CELF4: variants seen among roughly 807,000 people sequenced by gnomAD.
CELF4 encodes CUGBP Elav-like family member 4, also known as CUG-BP- and ETR-3-like factor 4.
Under a neutral mutation model 59.9 loss-of-function variants are expected in CELF4, and 18 were observed. The ratio of observed to expected loss-of-function variants is 0.30; its 90% CI spans 0.21 to 0.45. CELF4 has a LOEUF of 0.45. Among genes scored for constraint, CELF4 ranks in the 20% least tolerant of loss-of-function variants. The pLI is 1.00. For synonymous variants in CELF4, 261 were observed against 267.1 expected (o/e 0.98, Z 0.22); for missense variants, 456 against 689.0 (o/e 0.66, Z 3.79).
chr18:37,332,377 C>T lies in CELF4; in HGVS notation c.370-10496G>A, dbSNP rs144733216. Among the ~76,000 whole-genome samples, 687 of 152,272 alleles carry T rather than the reference C, an allele frequency of 4.5e-3. 11 individuals are homozygous for T. Among genetic ancestry groups the T allele is most frequent in the Non-Finnish European group, 5.7e-3 (385 of 68,030 alleles). On this transcript the variant is annotated intron_variant, in intron 2 of 12. Coordinates refer to ENST00000420428, the MANE Select transcript of CELF4 (RefSeq NM_020180.4). ...TGGTCCAGCCCCCTACAAATATGCC[C>T]GGGCAGTTGCTATGCAACAGGCAGC...
intron 1 of CELF4, among the ~76,000 whole-genome samples, chr18:37,502,474 G>C (rs2099932893): frequency 6.6e-6 from 1 of 152,142 alleles, no homozygotes; most frequent in Admixed American, 6.5e-5. Context: ...TTTTCAAAAA[G>C]GATGTAATCA....
intron 3 of CELF4, among the ~76,000 whole-genome samples, chr18:37,280,816 C>T (rs2094041655): frequency 6.6e-6 from 1 of 152,210 alleles, no homozygotes; most frequent in Admixed American, 6.5e-5. Flanking sequence ...CTTTCCTTTC[C>T]ACCAACGCAT....
intron 1 of CELF4, among the ~76,000 whole-genome samples, chr18:37,493,573 A>T (rs2099914177): frequency 6.6e-6 from 1 of 151,292 alleles, no homozygotes; most frequent in South Asian, 2.1e-4. Context: ...GAGGTGGGCC[A>T]TGGGGTCTGG....
At chr18:37,278,230 A>C (rs2093646694) in intron 3 of CELF4, among the ~76,000 whole-genome samples, 1 of 151,872 alleles carries the variant, frequency 6.6e-6, no homozygotes, top group Admixed American at 6.6e-5. Context: ...CCCCATCTGG[A>C]TTTCCCCAGG....
intron 11 of CELF4, among the ~76,000 whole-genome samples, chr18:37,255,234 GCCGTCT>G (rs2068492981): frequency 6.6e-6 from 1 of 152,022 alleles, no homozygotes; most frequent in Non-Finnish European, 1.5e-5. Flanking sequence ...TGAAGTAGAA[GCCGTCT>G]TCTCAGTTTA....
At chr18:37,520,030 TG>T (rs1026345851) in intron 1 of CELF4, among the ~76,000 whole-genome samples, 1 of 152,090 alleles carries the variant, frequency 6.6e-6, no homozygotes, top group Non-Finnish European at 1.5e-5. Context: ...ACCCTCTCCT[TG>T]GGGGAGACTG....
intron 1 of CELF4, among the ~76,000 whole-genome samples, chr18:37,516,330 G>A (rs1603643183): frequency 6.6e-6 from 1 of 151,908 alleles, no homozygotes; most frequent in Non-Finnish European, 1.5e-5. Flanking sequence ...GTTAAGCATC[G>A]CTTCCTCCTG....
At chr18:37,443,190 G>A (rs1603641288) in intron 2 of CELF4, among the ~76,000 whole-genome samples, 1 of 152,114 alleles carries the variant, frequency 6.6e-6, no homozygotes, top group Non-Finnish European at 1.5e-5. Context: ...AGGGGGCAAC[G>A]CCCTAGCCTG....
At chr18:37,476,190 A>G (rs2099848485) in intron 2 of CELF4, among the ~76,000 whole-genome samples, 1 of 152,240 alleles carries the variant, frequency 6.6e-6, no homozygotes, top group Non-Finnish European at 1.5e-5. Context: ...GGGAACTCAG[A>G]CCTGGAAAGG....
At chr18:37,520,488 C>G (rs1455544207) in intron 1 of CELF4, among the ~76,000 whole-genome samples, 1 of 151,362 alleles carries the variant, frequency 6.6e-6, no homozygotes, top group Non-Finnish European at 1.5e-5. Context: ...CTCTGGGTTA[C>G]TGCTTGACTC....
At chr18:37,363,830 C>T (rs1237497305) in intron 2 of CELF4, among the ~76,000 whole-genome samples, 1 of 152,164 alleles carries the variant, frequency 6.6e-6, no homozygotes, top group African/African-American at 2.4e-5. Flanking sequence ...GTGCCTTTCT[C>T]TGCCCCACTC....
intron 2 of CELF4, among the ~76,000 whole-genome samples, chr18:37,414,793 G>A (rs765907652): frequency 5.3e-5 from 8 of 151,642 alleles, no homozygotes; most frequent in Admixed American, 1.3e-4. Context: ...CACAAAGCCC[G>A]GCCCTAATTC....
In CELF4 at chr18:37,422,381, G is replaced by A. The variant is rs1197843070; in HGVS notation, c.369+63144C>T. On this transcript the variant is annotated intron_variant, in intron 2 of 12. Coordinates refer to ENST00000420428, the MANE Select transcript of CELF4 (RefSeq NM_020180.4). ...AAACAAACAAGACATTTATCAGGGA[G>A]GAAGGAGGAGCTGATTGGCTCCCAG... is the stretch of plus-strand genomic sequence containing the variant. 3.3e-5 allele frequency among the ~76,000 whole-genome samples: 5 copies of A among 152,212 alleles called. No individual in the cohort carries two copies. The East Asian group carries it at 9.6e-4, about 29-fold the overall frequency.
intron 1 of CELF4, among the ~76,000 whole-genome samples, chr18:37,491,441 G>A (rs927248659): frequency 2.6e-5 from 4 of 152,134 alleles, no homozygotes; most frequent in African/African-American, 9.7e-5. Context: ...CCATTTACCA[G>A]CTTGATGCCT....
intron 2 of CELF4, among the ~76,000 whole-genome samples, chr18:37,416,149 G>A (rs1454446207): frequency 2.0e-5 from 3 of 152,032 alleles, no homozygotes; most frequent in South Asian, 2.1e-4. Context: ...GCAAGGCAGA[G>A]CCCAGTGGTC....
chr18:37,534,375 G>A (rs546185505), intron 1 of CELF4, among the ~76,000 whole-genome samples: 2 of 152,110 alleles, frequency 1.3e-5, no homozygotes, highest in Admixed American at 1.3e-4. Context: ...TGGGGCATGG[G>A]CTCTGTCACT....
intron 2 of CELF4, among the ~76,000 whole-genome samples, chr18:37,400,457 T>A (rs1308813705): frequency 1.3e-5 from 2 of 152,306 alleles, no homozygotes; most frequent in East Asian, 3.9e-4. Context: ...CAAGAATATC[T>A]CCAAAGAAAT....
At chr18:37,502,837 C>G (rs2099933358) in intron 1 of CELF4, among the ~76,000 whole-genome samples, 1 of 152,232 alleles carries the variant, frequency 6.6e-6, no homozygotes, top group Non-Finnish European at 1.5e-5. Context: ...CCCTCCCAAG[C>G]CCTCTAGGTA....
chr18:37,264,131 G>GT (rs1454607490), intron 10 of CELF4, among the ~76,000 whole-genome samples: 9 of 152,194 alleles, frequency 5.9e-5, no homozygotes, highest in African/African-American at 2.2e-4. Flanking sequence ...TGGGAACACA[G>GT]TGGTAGGCCC....
Sources: allele counts gnomAD v4.1 joint callset (sites outside exome capture counted in the v4.1 genomes callset), GRCh38; gene constraint gnomAD v4.1.1; transcripts MANE v1.5; gene names NCBI Gene and HGNC (gene_info 2026-07-23, HGNC 2026-07-21).